ASIC2: variants seen among roughly 807,000 people sequenced by gnomAD.
ASIC2 encodes acid sensing ion channel subunit 2, also known as acid-sensing ion channel 2.
ASIC2 carries 25 observed loss-of-function variants against 57.3 expected under a neutral mutation model. That is an observed-to-expected ratio of 0.44 (90% CI 0.32 to 0.61). ASIC2 has a LOEUF of 0.61. Ranked by LOEUF, ASIC2 falls within the 20% of genes least tolerant of loss-of-function variation. The pLI is 0.06. For synonymous variants in ASIC2, 319 were observed against 307.5 expected (o/e 1.04, Z -0.39); for missense variants, 641 against 738.1 (o/e 0.87, Z 1.52).
At chr17:34,107,370 G>T (rs1258167995) in intron 1 of ASIC2, among the ~76,000 whole-genome samples, 1 of 152,086 alleles carries the variant, frequency 6.6e-6, no homozygotes, top group Non-Finnish European at 1.5e-5. Context: ...TTAGCTAGGG[G>T]TGGTGGTGAT....
chr17:33,899,082 C>T (rs908765418), intron 1 of ASIC2, among the ~76,000 whole-genome samples: 1 of 150,686 alleles, frequency 6.6e-6, no homozygotes, highest in Non-Finnish European at 1.5e-5. Flanking sequence ...GAGCTGAGAT[C>T]GCGCCACTGC....
intron 3 of ASIC2, among the ~76,000 whole-genome samples, chr17:33,054,031 C>T (rs1234519929): frequency 2.0e-5 from 3 of 152,106 alleles, no homozygotes; most frequent in Non-Finnish European, 4.4e-5. Flanking sequence ...CTTTGCTCTC[C>T]TGTATCCCTG....
At chr17:33,234,069 GTCT>G (rs1472172803) in intron 1 of ASIC2, among the ~76,000 whole-genome samples, 52 of 152,350 alleles carry the variant, frequency 3.4e-4, no homozygotes, top group African/African-American at 1.2e-3. Flanking sequence ...TGGCCACCCT[GTCT>G]TCTTCTCTAA....
chr17:34,046,420 T>C (rs950604181), intron 1 of ASIC2, among the ~76,000 whole-genome samples: 2 of 152,170 alleles, frequency 1.3e-5, no homozygotes, highest in Non-Finnish European at 2.9e-5. Context: ...TGAGAGAAAT[T>C]GATCATTGAA....
intron 1 of ASIC2, among the ~76,000 whole-genome samples, chr17:33,872,886 A>G (rs1914455193): frequency 6.6e-6 from 1 of 152,160 alleles, no homozygotes; most frequent in African/African-American, 2.4e-5. Context: ...TGGCCCACGC[A>G]TGGGCACCAG....
At chr17:33,150,467 G>T (rs973516029) in intron 1 of ASIC2, among the ~76,000 whole-genome samples, 1 of 152,198 alleles carries the variant, frequency 6.6e-6, no homozygotes, top group Non-Finnish European at 1.5e-5. Context: ...TCTTGGAACA[G>T]CTTTGGAAAC....
rs556257230 is a variant in ASIC2, at chr17:33,240,995, T to G, written c.708+50413A>C. Among the ~76,000 whole-genome samples, 3 of 152,264 alleles carry G rather than the reference T, an allele frequency of 2.0e-5. No homozygotes were observed. The East Asian group carries it at 5.8e-4, about 29-fold the overall frequency. The stretch of plus-strand genomic sequence containing the variant: ...TACAAATGAGGCATTGGCATGTACA[T>G]TATCTCACTTATCACCCAGACCTAC... On this transcript the variant is annotated intron_variant, in intron 1 of 9. Coordinates refer to ENST00000225823, the MANE Select transcript of ASIC2 (RefSeq NM_183377.2).
At chr17:33,507,379 T>C (rs971681851) in intron 1 of ASIC2, among the ~76,000 whole-genome samples, 2 of 152,212 alleles carry the variant, frequency 1.3e-5, no homozygotes, top group Admixed American at 6.5e-5. Context: ...CCTGGGGAAG[T>C]GATACATCTC....
At chr17:34,099,191 A>G (rs145215005) in intron 1 of ASIC2, among the ~76,000 whole-genome samples, 8,615 of 114,038 alleles carry the variant, frequency 0.076, 550 homozygotes, top group African/African-American at 0.13. Context: ...AAAGAAAGAA[A>G]GAAAGAAAGA....
chr17:33,982,288 G>A (rs555845540), intron 1 of ASIC2, among the ~76,000 whole-genome samples: 97 of 152,322 alleles, frequency 6.4e-4, no homozygotes, highest in Non-Finnish European at 1.1e-3. Flanking sequence ...AGAACATGGC[G>A]ATCACCCTGC....
intron 1 of ASIC2, among the ~76,000 whole-genome samples, chr17:33,895,396 C>T (rs1310129517): frequency 6.6e-6 from 1 of 152,142 alleles, no homozygotes; most frequent in Admixed American, 6.5e-5. Context: ...CTCCTGACCT[C>T]AAATGATCTG....
chr17:33,609,703 T>C lies in ASIC2; in HGVS notation c.556-497636A>G, dbSNP rs567602497. ...GTAAGCTCTGTGAAGCAGACATTGC[T>C]GTCTTTTCAGCCTTGCACCTGTTAA... On this transcript the variant is annotated intron_variant, in intron 1 of 9. Coordinates refer to the ASIC2 transcript ENST00000359872. Among the ~76,000 whole-genome samples the C allele has an allele frequency of 3.3e-5, 5 of 152,252 alleles. No homozygotes were observed. In the South Asian group the frequency reaches 6.2e-4, roughly 19 times the overall value.
At chr17:33,113,921 G>A (rs1188137109) in intron 1 of ASIC2, among the ~76,000 whole-genome samples, 1 of 152,178 alleles carries the variant, frequency 6.6e-6, no homozygotes, top group Admixed American at 6.5e-5. Context: ...GAGGGTTTTC[G>A]TCATTGGGAC....
chr17:33,638,996 T>C (rs747690730), intron 1 of ASIC2, among the ~76,000 whole-genome samples: 17 of 151,870 alleles, frequency 1.1e-4, no homozygotes, highest in Admixed American at 2.6e-4. Flanking sequence ...TTACTGAATT[T>C]TTCCCTTTTC....
intron 1 of ASIC2, among the ~76,000 whole-genome samples, chr17:33,404,145 A>G (rs544008745): frequency 4.0e-4 from 61 of 152,326 alleles, no homozygotes; most frequent in African/African-American, 1.4e-3. Context: ...AGAGTAAAAG[A>G]CTAGGCATGC....
At chr17:33,082,701 AAAATAAATAAAT>A (rs34712140) in intron 3 of ASIC2, among the ~76,000 whole-genome samples, 168 of 139,588 alleles carry the variant, frequency 1.2e-3, no homozygotes, top group Middle Eastern at 3.7e-3. Context: ...TCTGTCTCCA[AAAATAAATAAAT>A]AAATAAATAA....
Position 34,039,477 on chromosome 17 carries a change from A to G in ASIC2, c.555+116501T>C, listed in dbSNP as rs986259593. The G allele has an allele frequency of 1.1e-5, 17 of 1,613,598 alleles. No individual in the cohort carries two copies. In the Admixed American group the frequency reaches 2.3e-4, roughly 22 times the overall value. On this transcript the variant is annotated intron_variant, in intron 1 of 9. Transcript: ENST00000359872. ...CCGTTGCCTCCTTTGCAGCACTGCC[A>G]TCTAAACCATAGAGGGGCTGTTCTA...
intron 1 of ASIC2, among the ~76,000 whole-genome samples, chr17:33,496,673 A>C (rs1214643126): frequency 1.6e-5 from 2 of 124,502 alleles, no homozygotes; most frequent in African/African-American, 6.3e-5. Context: ...GCTGGAGTGC[A>C]GTGATGCGAA....
intron 3 of ASIC2, among the ~76,000 whole-genome samples, chr17:33,048,970 C>T (rs981006813): frequency 6.6e-6 from 1 of 152,230 alleles, no homozygotes; most frequent in Non-Finnish European, 1.5e-5. Context: ...AGGGGCTCAA[C>T]CAAGTGACAT....
Sources: gnomAD v4.1 joint callset for allele counts (sites outside exome capture counted in the v4.1 genomes callset) on GRCh38, gnomAD v4.1.1 for gene constraint, MANE v1.5 for transcripts, NCBI Gene and HGNC (gene_info 2026-07-23, HGNC 2026-07-21) for gene names.